Variants in NBAS observed in about 807,000 individuals in gnomAD.
The protein encoded by NBAS is NAG/BC035112 fusion.
A neutral mutation model predicts 302.5 loss-of-function variants in NBAS; 219 were observed. The ratio of observed to expected loss-of-function variants is 0.72; its 90% confidence interval spans 0.65 to 0.81. The LOEUF is 0.81. NBAS is among the 30% of genes least tolerant of loss of function. The pLI is 0.00. For missense variants in NBAS, 2,932 were observed against 2,841.6 expected (o/e 1.03, Z -0.72); for synonymous variants, 1,118 against 1,021.6 (o/e 1.09, Z -1.80).
the NBAS span, among the ~76,000 whole-genome samples, chr2:14,819,058 G>C: frequency 1.9e-4 from 29 of 152,260 alleles, no homozygotes; most frequent in Admixed American, 1.6e-3. Context: ...GGCTTCCTGT[G>C]CCTCCCTCTG....
intron 9 of NBAS, among the ~76,000 whole-genome samples, chr2:15,523,787 A>C (rs558323270): frequency 7.2e-5 from 11 of 152,200 alleles, no homozygotes; most frequent in African/African-American, 2.2e-4. Context: ...GGTGGTAGAC[A>C]CCTGTAATCC....
At chr2:15,505,514 G>A (rs1288058371) in intron 10 of NBAS, among the ~76,000 whole-genome samples, 1 of 152,104 alleles carries the variant, frequency 6.6e-6, no homozygotes, top group Non-Finnish European at 1.5e-5. Flanking sequence ...GTAGTGTGCA[G>A]CAAGACAATA....
intron 21 of NBAS, among the ~76,000 whole-genome samples, chr2:15,458,372 A>G (rs551704042): frequency 6.6e-6 from 1 of 152,312 alleles, no homozygotes; most frequent in Admixed American, 6.5e-5. Context: ...TGTGATTCCC[A>G]GTGCTGGAGG....
chr2:14,866,281 T>C, the NBAS span, among the ~76,000 whole-genome samples: 9 of 152,194 alleles, frequency 5.9e-5, no homozygotes, highest in African/African-American at 2.2e-4. Context: ...ATCAAGCAGA[T>C]GATAAGAAGG....
chr2:14,870,104 G>A, the NBAS span, among the ~76,000 whole-genome samples: 1 of 152,148 alleles, frequency 6.6e-6, no homozygotes, highest in East Asian at 1.9e-4. Context: ...CTGAGAGAAG[G>A]GAAGTATATC....
chr2:15,213,557 T>C (rs561654527), intron 48 of NBAS, among the ~76,000 whole-genome samples: 95 of 152,202 alleles, frequency 6.2e-4, no homozygotes, highest in South Asian at 3.7e-3. Flanking sequence ...CCCTGGAAAA[T>C]AGGAAGAAGT....
intron 38 of NBAS, among the ~76,000 whole-genome samples, chr2:15,314,222 G>A (rs572621060): frequency 2.4e-4 from 37 of 152,184 alleles, no homozygotes; most frequent in African/African-American, 8.7e-4. Context: ...CAGACATGAT[G>A]GCATGCACCG....
rs1664596768 is a variant in NBAS at position 15,177,374 on chromosome 2, A to ATGC, written c.6840+1611_6840+1613dup. ...GTTACTGTGTAGGTATGTGGGGGAA[A>ATGC]TGCTGCTGTGTGGGTAGTAAGATTA... On this transcript the variant is annotated intron_variant, in intron 51 of 51. Coordinates refer to ENST00000281513, the MANE Select transcript of NBAS (RefSeq NM_015909.4). 3.9e-5 allele frequency among the ~76,000 whole-genome samples: 6 copies of ATGC among 152,262 alleles called. No homozygotes were observed. The South Asian group carries it at 1.2e-3, about 32-fold the overall frequency.
At chr2:15,325,508 C>T (rs564391121) in intron 38 of NBAS, among the ~76,000 whole-genome samples, 5 of 152,232 alleles carry the variant, frequency 3.3e-5, no homozygotes, top group African/African-American at 9.6e-5. Context: ...GTGGCTGTGG[C>T]AATTTCTCAA....
chr2:14,966,349 C>T, the NBAS span, among the ~76,000 whole-genome samples: 6 of 152,126 alleles, frequency 3.9e-5, no homozygotes, highest in African/African-American at 1.2e-4. Context: ...TGTAATCTAC[C>T]ATATTAACAC....
rs370526257 is a variant in NBAS at position 15,474,117 on chromosome 2, G to A, written c.1549C>T (p.Arg517Cys). The change falls in exon 15 of 52, where the codon CGC becomes TGC. Residue 517 changes from arginine (R) to cysteine (C), a missense_variant. By Grantham distance (180) the Arg-to-Cys change is radical. Transcript: ENST00000281513. ...KRPRTITKNY[R>C]LVSLRSTTPE... ...GTCGTGGAGCGCAAACTCACAAGGC[G>A]GTAGTTTTTAGTAATGGTTCGTGGG... 1.5e-5 allele frequency: 25 copies of A among 1,614,054 alleles called. No individual in the cohort carries two copies. Among genetic ancestry groups the A allele is most frequent in the Non-Finnish European group, 2.0e-5 (24 of 1,180,026 alleles).
the NBAS span, among the ~76,000 whole-genome samples, chr2:14,792,773 G>A: frequency 6.6e-6 from 1 of 151,822 alleles, no homozygotes; most frequent in Admixed American, 6.6e-5. Context: ...TAAAAACCAA[G>A]AAAATCACAA....
chr2:14,798,180 G>A, the NBAS span, among the ~76,000 whole-genome samples: 1 of 152,142 alleles, frequency 6.6e-6, no homozygotes, highest in African/African-American at 2.4e-5. Context: ...ATATTAAGAG[G>A]AAATCATTCA....
intron 32 of NBAS, among the ~76,000 whole-genome samples, chr2:15,362,573 A>ATTTAG (rs1673987095): frequency 6.6e-6 from 1 of 152,212 alleles, no homozygotes; most frequent in African/African-American, 2.4e-5. Flanking sequence ...TATTAGAATA[A>ATTTAG]CACACTCATG....
chr2:15,398,358 TG>T (rs1323840818), intron 26 of NBAS, among the ~76,000 whole-genome samples: 1 of 152,162 alleles, frequency 6.6e-6, no homozygotes, highest in African/African-American at 2.4e-5. Flanking sequence ...TTCCCCAGAC[TG>T]GTCTCAACTG....
chr2:15,202,422 TAAG>T (rs1482537698), intron 48 of NBAS, among the ~76,000 whole-genome samples: 1 of 152,212 alleles, frequency 6.6e-6, no homozygotes, highest in Non-Finnish European at 1.5e-5. Context: ...TGTGTTAAAA[TAAG>T]AAGAGGAAAG....
intron 40 of NBAS, among the ~76,000 whole-genome samples, chr2:15,300,320 G>A (rs1266496010): frequency 6.6e-6 from 1 of 152,222 alleles, no homozygotes; most frequent in African/African-American, 2.4e-5. Flanking sequence ...GTGTTATTAT[G>A]TGCAGGCAAC....
the NBAS span, among the ~76,000 whole-genome samples, chr2:15,027,276 A>AC: frequency 6.6e-6 from 1 of 152,142 alleles, no homozygotes; most frequent in Non-Finnish European, 1.5e-5. Context: ...GCTCAGGCTG[A>AC]TTTTATGTCT....
At chr2:15,521,298 A>C (rs1444806730) in intron 9 of NBAS, among the ~76,000 whole-genome samples, 1 of 152,196 alleles carries the variant, frequency 6.6e-6, no homozygotes, top group African/African-American at 2.4e-5. Context: ...TGACCAAAGA[A>C]ACACTGGTGA....
Sources: allele counts gnomAD v4.1 joint callset (sites outside exome capture counted in the v4.1 genomes callset), GRCh38; gene constraint gnomAD v4.1.1; transcripts MANE v1.5; gene names NCBI Gene and HGNC (gene_info 2026-07-23, HGNC 2026-07-21).